NEK11: variants seen among roughly 807,000 people sequenced by gnomAD.
NEK11 encodes the protein NIMA related kinase 11.
In NEK11, 72 loss-of-function variants were observed where a neutral mutation model predicts 80.7. That is an observed-to-expected ratio of 0.89 (90% CI 0.74 to 1.08). The LOEUF (loss-of-function observed/expected upper bound fraction) is 1.08. NEK11 is among the 50% of genes least tolerant of loss of function. The probability of loss-of-function intolerance (pLI) is 0.00; values close to 1 mark genes in which losing one functional copy is unlikely to be tolerated. For missense variants in NEK11, 764 were observed against 763.6 expected, an observed-to-expected ratio of 1.00 and a Z score of -0.01; for synonymous variants, 251 against 260.7, an observed-to-expected ratio of 0.96 and a Z score of 0.36.
chr3:131,108,391 CCTCTCCCA>C (rs1319250034), intron 4 of NEK11, among the ~76,000 whole-genome samples: 1 of 152,068 alleles, frequency 6.6e-6, no homozygotes, highest in Non-Finnish European at 1.5e-5. Flanking sequence ...ATGATAAGGA[CCTCTCCCA>C]CTCTTTATGG....
At chr3:131,062,202 A>G (rs956773514) in intron 3 of NEK11, among the ~76,000 whole-genome samples, 4 of 152,238 alleles carry the variant, frequency 2.6e-5, no homozygotes, top group African/African-American at 9.6e-5. Context: ...GTGTAGCAGT[A>G]TAACTACAGT....
intron 16 of NEK11, among the ~76,000 whole-genome samples, chr3:131,260,091 A>T (rs1048990759): frequency 4.6e-5 from 7 of 152,144 alleles, no homozygotes; most frequent in African/African-American, 1.4e-4. Flanking sequence ...CCTCATAATA[A>T]GTCATGGGGC....
At chr3:131,166,977 C>T (rs1263955748) in intron 12 of NEK11, among the ~76,000 whole-genome samples, 1 of 152,172 alleles carries the variant, frequency 6.6e-6, no homozygotes, top group Non-Finnish European at 1.5e-5. Context: ...CTGCACATTC[C>T]CACAAATCCT....
chr3:131,053,798 AC>A (rs1295064247), intron 3 of NEK11: 19 of 152,264 alleles, frequency 1.2e-4, no homozygotes, highest in African/African-American at 4.3e-4. Flanking sequence ...AGTCTATTTA[AC>A]TATAAGACTG....
intron 16 of NEK11, among the ~76,000 whole-genome samples, chr3:131,258,203 T>C (rs1581007478): frequency 6.6e-6 from 1 of 151,980 alleles, no homozygotes; most frequent in Non-Finnish European, 1.5e-5. Context: ...AGACTACACA[T>C]GGGGCACAGT....
intron 14 of NEK11, among the ~76,000 whole-genome samples, chr3:131,216,561 T>A (rs2094841706): frequency 6.6e-6 from 1 of 151,984 alleles, no homozygotes; most frequent in Non-Finnish European, 1.5e-5. Flanking sequence ...TATGAGTGTG[T>A]TTATTTCACT....
At chr3:131,032,297 A>G (rs1162331539) in intron 3 of NEK11, among the ~76,000 whole-genome samples, 1 of 152,196 alleles carries the variant, frequency 6.6e-6, no homozygotes, top group Non-Finnish European at 1.5e-5. Flanking sequence ...GCTCATATAA[A>G]TTGAGCATTT....
chr3:131,262,433 T>C (rs1249395682), intron 16 of NEK11, among the ~76,000 whole-genome samples: 2 of 152,188 alleles, frequency 1.3e-5, no homozygotes, highest in Non-Finnish European at 2.9e-5. Context: ...CTATAGGACA[T>C]AGATTTTCTA....
chr3:131,339,456 GAGTGTCTAAC>G (rs1561628727), intron 17 of NEK11, among the ~76,000 whole-genome samples: 1 of 152,202 alleles, frequency 6.6e-6, no homozygotes, highest in Non-Finnish European at 1.5e-5. Flanking sequence ...CCAGCACTTA[GAGTGTCTAAC>G]GGGGCTTCGG....
At chr3:131,298,738 G>C (rs1369025609) in intron 17 of NEK11, among the ~76,000 whole-genome samples, 1 of 151,908 alleles carries the variant, frequency 6.6e-6, no homozygotes, top group Non-Finnish European at 1.5e-5. Context: ...GTTTCTTTTT[G>C]GTGTTTATCC....
chr3:131,072,977 T>G (rs2073696361), intron 3 of NEK11, among the ~76,000 whole-genome samples: 1 of 152,194 alleles, frequency 6.6e-6, no homozygotes, highest in Non-Finnish European at 1.5e-5. Flanking sequence ...ATCAACTCTT[T>G]GGTCATGTGC....
At chr3:131,253,675 C>A (rs2095751840) in intron 16 of NEK11, among the ~76,000 whole-genome samples, 1 of 152,136 alleles carries the variant, frequency 6.6e-6, no homozygotes, top group Non-Finnish European at 1.5e-5. Flanking sequence ...TTACAGAATA[C>A]TGTGATGAGT....
chr3:131,086,070 T>A (rs2075944546), intron 4 of NEK11, among the ~76,000 whole-genome samples: 1 of 152,150 alleles, frequency 6.6e-6, no homozygotes, highest in Admixed American at 6.5e-5. Flanking sequence ...AGTATTGTAT[T>A]CTTCTCAGTA....
At chr3:131,254,565 A>G (rs1256715427) in intron 16 of NEK11, among the ~76,000 whole-genome samples, 1 of 152,236 alleles carries the variant, frequency 6.6e-6, no homozygotes, top group Non-Finnish European at 1.5e-5. Flanking sequence ...CAGACCTATT[A>G]ACACATTAAA....
At chr3:131,171,791 A>C (rs950311136) in intron 14 of NEK11, among the ~76,000 whole-genome samples, 1 of 152,146 alleles carries the variant, frequency 6.6e-6, no homozygotes, top group Non-Finnish European at 1.5e-5. Flanking sequence ...CTTGTTCACC[A>C]GTCTCCCCAG....
At position 131,165,456 on chromosome 3, in the gene NEK11, T is replaced by G; in HGVS notation, c.1113T>G (p.Asn371Lys). 1 of 1,612,490 alleles carries G rather than the reference T, an allele frequency of 6.2e-7. No individual in the cohort carries two copies. Among genetic ancestry groups the G allele is most frequent in the Admixed American group, 1.7e-5 (1 of 60,004 alleles). ...KKIVEEKYEE[N>K]SKRMQELRSR... ...TTGTGGAAGAAAAATATGAAGAAAA[T>G]AGCAAACGAATGCAAGAATTGAGAT... Residue 371 changes from asparagine (N) to lysine (K), a missense_variant, in exon 12 of 18, where the codon AAT becomes AAG. Coordinates refer to ENST00000383366, the MANE Select transcript of NEK11 (RefSeq NM_024800.5).
chr3:131,151,814 C>A (rs2149803459), intron 7 of NEK11, among the ~76,000 whole-genome samples: 1 of 151,868 alleles, frequency 6.6e-6, no homozygotes, highest in East Asian at 1.9e-4. Flanking sequence ...TTTTAATATT[C>A]TGTTTCATAC....
intron 5 of NEK11, among the ~76,000 whole-genome samples, chr3:131,132,511 TC>T (rs2084680429): frequency 6.6e-6 from 1 of 152,048 alleles, no homozygotes; most frequent in African/African-American, 2.4e-5. Context: ...TGAAAGCATA[TC>T]ACCGTTCTCC....
At chr3:131,049,357 T>C (rs554859270) in intron 3 of NEK11, among the ~76,000 whole-genome samples, 1 of 152,344 alleles carries the variant, frequency 6.6e-6, no homozygotes, top group South Asian at 2.1e-4. Context: ...CGGTTGCTAG[T>C]CCTGTGAAAC....
Sources: allele counts gnomAD v4.1 joint callset (sites outside exome capture counted in the v4.1 genomes callset), GRCh38; gene constraint gnomAD v4.1.1; transcripts MANE v1.5; gene names NCBI Gene and HGNC (gene_info 2026-07-23, HGNC 2026-07-21).